The following TNFRSF14 variants were observed in gnomAD, a reference collection of about 807,000 sequenced individuals.
TNFRSF14 encodes TNF receptor superfamily member 14, also known as tumor necrosis factor receptor superfamily member 14.
TNFRSF14 carries 18 observed loss-of-function variants against 34.1 expected under a neutral mutation model. The ratio of observed to expected loss-of-function variants is 0.53; its 90% CI spans 0.36 to 0.78. The LOEUF (loss-of-function observed/expected upper bound fraction) is 0.78, where lower values mean the gene tolerates loss of function less well. Ranked by LOEUF, TNFRSF14 falls within the 30% of genes least tolerant of loss-of-function variation. The pLI, the probability that TNFRSF14 is intolerant of heterozygous loss-of-function variation, is 0.00. For missense variants in TNFRSF14, 352 were observed against 379.5 expected (o/e 0.93, Z 0.60); for synonymous variants, 157 against 153.2 (o/e 1.02, Z -0.18).
At position 2,556,703 on chromosome 1, in the gene TNFRSF14, A is replaced by T. The variant is rs1644219645; in HGVS notation, c.39A>T (p.Arg13Ser). ...GAGACTGGGGGCCTCCTCCCTGGAG[A>T]TCCACCCCCAAAACCGACGTCTTGA... Reference protein sequence around the residue: ...PPGDWGPPPWRSTPKTDVLRL... With the variant: ...PPGDWGPPPWSSTPKTDVLRL... Residue 13 changes from arginine to serine, a missense_variant, in exon 1 of 8, where the codon AGA (arginine) becomes AGT (serine). Physicochemically the swap from Arg to Ser is moderately radical, Grantham distance 110. Coordinates refer to ENST00000355716, the MANE Select transcript of TNFRSF14 (RefSeq NM_003820.4). 1.2e-6 allele frequency: 2 copies of T among 1,607,938 alleles called. No homozygotes were observed. The highest frequency in any genetic ancestry group is 1.3e-5 in the African/African-American group (1 of 74,650).
chr1:2,563,463 C>A lies in TNFRSF14; in HGVS notation c.*190C>A. 1.1e-6 allele frequency: 1 copy of A among 884,634 alleles called. No individual in the cohort carries two copies. The highest frequency in any genetic ancestry group is 1.7e-6 in the Non-Finnish European group (1 of 598,096). 54.8% of individuals were successfully genotyped at this position (884,634 alleles called of 1,614,324 possible). A position where few individuals can be genotyped will look rare whatever the true frequency, so the allele number is the denominator to read the frequency against. On this transcript the variant is annotated 3_prime_UTR_variant, in exon 8 of 8. Coordinates refer to ENST00000355716, the MANE Select transcript of TNFRSF14 (RefSeq NM_003820.4). ...AGCTGGGGACGCCACGTGCCATTCCCATGGGCCAGTGAGGGCCTGGGGCCT... is the reference window on the plus strand; with the variant it reads ...AGCTGGGGACGCCACGTGCCATTCCAATGGGCCAGTGAGGGCCTGGGGCCT...
Position 2,563,424 on chromosome 1 carries a change from C to A in TNFRSF14, c.*151C>A. 1 of 1,342,150 alleles carries A rather than the reference C, an allele frequency of 7.5e-7. No homozygotes were observed. The highest frequency in any genetic ancestry group is 1.0e-6 in the Non-Finnish European group (1 of 996,302). 83.1% of individuals were successfully genotyped at this position (1,342,150 alleles called of 1,614,324 possible). The stretch of plus-strand genomic sequence containing the variant: ...CCTCCAGTGGAGGGAGAGGTGGGGC[C>A]CCTGCTGGGGTAGAGCTGGGGACGC... On this transcript the variant is annotated 3_prime_UTR_variant, in exon 8 of 8. Coordinates refer to ENST00000355716, the MANE Select transcript of TNFRSF14 (RefSeq NM_003820.4).
Position 2,563,359 on chromosome 1 carries a change from C to G in TNFRSF14, c.*86C>G. The stretch of plus-strand genomic sequence containing the variant: ...GTCCACCTGGCGGAACCACCGGAGC[C>G]CGGAGGCTTGGGGGCTCCGCCCTGG... On this transcript the variant is annotated 3_prime_UTR_variant, in exon 8 of 8. Coordinates refer to ENST00000355716, the MANE Select transcript of TNFRSF14 (RefSeq NM_003820.4). The G allele has an allele frequency of 6.4e-7, 1 of 1,574,260 alleles. No homozygotes were observed. Among genetic ancestry groups the G allele is most frequent in the South Asian group, 1.2e-5 (1 of 86,304 alleles).
rs1644316714 is a variant in TNFRSF14, at chr1:2,561,967, C to T, written c.694+152C>T. The T allele has an allele frequency of 2.3e-6, 2 of 857,434 alleles. No individual in the cohort carries two copies. The highest frequency in any genetic ancestry group is 3.6e-6 in the Non-Finnish European group (2 of 552,604). The allele number at this position is 857,434 out of a possible 1,614,324, so 53.1% of individuals were successfully genotyped here. A position where few individuals can be genotyped will look rare whatever the true frequency, so the allele number is the denominator to read the frequency against. On this transcript the variant is annotated intron_variant, in intron 6 of 7. Transcript: ENST00000355716. The surrounding 1 kb of genome is among the most constrained non-coding windows in gnomAD (Gnocchi z 6.0). ...CTGCAGGCTGGGGCAGGTGGGCTTT[C>T]TGCTGTGGCCAGAGCCCAGGTGTCA...
Position 2,556,671 on chromosome 1 carries a change from C to T in TNFRSF14, c.7C>T (p.Pro3Ser). The change falls in exon 1 of 8, where the codon CCT becomes TCT. Residue 3 changes from proline to serine, a missense_variant. Transcript: ENST00000355716. ME[P>S]PGDWGPPPWR... The stretch of plus-strand genomic sequence containing the variant: ...GCCGGTCTGAGCCTGAGGCATGGAG[C>T]CTCCTGGAGACTGGGGGCCTCCTCC... 6.2e-7 allele frequency: 1 copy of T among 1,609,288 alleles called. No individual in the cohort carries two copies. Among genetic ancestry groups the T allele is most frequent in the East Asian group, 2.2e-5 (1 of 44,810 alleles).
At chr1:2,556,828 G>T in intron 1 of TNFRSF14, 95 bp downstream of exon 1, 1 of 1,313,098 alleles carries the variant, frequency 7.6e-7, no homozygotes, top group South Asian at 1.5e-5. Context: ...TGTCCTGGCC[G>T]TTGCTGGCTC....
chr1:2,561,927 C>A lies in TNFRSF14; in HGVS notation c.694+112C>A. 8.1e-7 allele frequency: 1 copy of A among 1,227,962 alleles called. No homozygotes were observed. The highest frequency in any genetic ancestry group is 1.1e-6 in the Non-Finnish European group (1 of 878,830). 76.1% of individuals were successfully genotyped at this position (1,227,962 alleles called of 1,614,324 possible). A position where few individuals can be genotyped will look rare whatever the true frequency, so the allele number is the denominator to read the frequency against. Reference sequence around the variant, plus strand: ...AGAGCTTTTCCAGGATCCGCGGCTCCTCCCAGGGCAGCCACTGCAGGCTGG... The same window carrying A: ...AGAGCTTTTCCAGGATCCGCGGCTCATCCCAGGGCAGCCACTGCAGGCTGG... On this transcript the variant is annotated intron_variant, in intron 6 of 7. Coordinates refer to ENST00000355716, the MANE Select transcript of TNFRSF14 (RefSeq NM_003820.4). This position sits in a 1 kb window ranked among gnomAD's most constrained non-coding sequence, Gnocchi z 6.0.
In TNFRSF14 at chr1:2,561,088, C is replaced by T. The variant is rs1312116401; in HGVS notation, c.551+374C>T. 4 of 335,794 alleles carry T rather than the reference C, an allele frequency of 1.2e-5. No individual in the cohort carries two copies. The highest frequency in any genetic ancestry group is 2.2e-5 in the Non-Finnish European group (4 of 183,438). The allele number at this position is 335,794 out of a possible 1,614,324, so 20.8% of individuals were successfully genotyped here. A position where few individuals can be genotyped will look rare whatever the true frequency, so the allele number is the denominator to read the frequency against. On this transcript the variant is annotated intron_variant, in intron 5 of 7. Coordinates refer to ENST00000355716, the MANE Select transcript of TNFRSF14 (RefSeq NM_003820.4). The surrounding 1 kb of genome is among the most constrained non-coding windows in gnomAD (Gnocchi z 6.0). ...GGTTGGGGAAAGTGAACACTCTGCTCTTTGTCCACCTTCGGGAGGACACCT... is the reference window on the plus strand; with the variant it reads ...GGTTGGGGAAAGTGAACACTCTGCTTTTTGTCCACCTTCGGGAGGACACCT...
intron 7 of TNFRSF14, 43 bp downstream of exon 7, chr1:2,562,939 C>T (rs1644332061): frequency 2.5e-6 from 4 of 1,575,562 alleles, no homozygotes; most frequent in South Asian, 2.2e-5. Flanking sequence ...TCCACCTTCC[C>T]ACCTCCCCTC....
chr1:2,556,092 A>G (rs1644207603), upstream of TNFRSF14: 1 of 338,472 alleles, frequency 3.0e-6, no homozygotes, highest in South Asian at 2.4e-5. Context: ...TGGTGGGTCT[A>G]TGACTGAAAT....
Position 2,557,813 on chromosome 1 carries a change from T to C in TNFRSF14, c.157T>C (p.Cys53Arg). 6.2e-7 allele frequency: 1 copy of C among 1,610,880 alleles called. No individual in the cohort carries two copies. The highest frequency in any genetic ancestry group is 8.5e-7 in the Non-Finnish European group (1 of 1,178,688). The change falls in exon 2 of 8, where the codon TGC becomes CGC. Residue 53 changes from cysteine (C) to arginine (R), a missense_variant. By Grantham distance (180) the Cys-to-Arg change is radical (BLOSUM62 -3). Coordinates refer to ENST00000355716, the MANE Select transcript of TNFRSF14 (RefSeq NM_003820.4). ...KEDEYPVGSE[C>R]CPKCSPGYRV... ...GGACGAGTACCCAGTGGGCTCCGAG[T>C]GCTGCCCCAAGTGCAGTCCAGGTAG... is the stretch of plus-strand genomic sequence containing the variant.
intron 3 of TNFRSF14, 33 bp from the exon 4 acceptor site, chr1:2,559,790 G>T: frequency 1.3e-6 from 2 of 1,591,740 alleles, no homozygotes; most frequent in South Asian, 1.1e-5. Context: ...CGGCCTCCAC[G>T]TACCCCTCTC....
Position 2,561,046 on chromosome 1 carries a change from G to A in TNFRSF14, c.551+332G>A, listed in dbSNP as rs900798619. ...TCCCTGAATGTCAGGGCCATGGGAGGGCCCCTGGGCTTCAGGGGTTGGGGA... is the reference window on the plus strand; with the variant it reads ...TCCCTGAATGTCAGGGCCATGGGAGAGCCCCTGGGCTTCAGGGGTTGGGGA... On this transcript the variant is annotated intron_variant, in intron 5 of 7. Transcript: ENST00000355716. The surrounding 1 kb of genome is among the most constrained non-coding windows in gnomAD (Gnocchi z 6.0). 2 of 377,270 alleles carry A rather than the reference G, an allele frequency of 5.3e-6. No homozygotes were observed. Among genetic ancestry groups the A allele is most frequent in the African/African-American group, 2.0e-5 (1 of 48,796 alleles). The allele number at this position is 377,270 out of a possible 1,614,324, so 23.4% of individuals were successfully genotyped here. A position where few individuals can be genotyped will look rare whatever the true frequency, so the allele number is the denominator to read the frequency against.
At position 2,556,497 on chromosome 1, in the gene TNFRSF14, C is replaced by T; in HGVS notation, c.-168C>T. On this transcript the variant is annotated 5_prime_UTR_variant, in exon 1 of 8. Coordinates refer to ENST00000355716, the MANE Select transcript of TNFRSF14 (RefSeq NM_003820.4). Reference sequence around the variant, plus strand: ...TCTGCTGCCAGACACCCCCTGCTGCCCACTCTCCTGCTGCTCGGGTTCTGA... The same window carrying T: ...TCTGCTGCCAGACACCCCCTGCTGCTCACTCTCCTGCTGCTCGGGTTCTGA... 4.0e-6 allele frequency: 3 copies of T among 747,662 alleles called. No individual in the cohort carries two copies. Among genetic ancestry groups the T allele is most frequent in the Non-Finnish European group, 7.1e-6 (3 of 423,828 alleles). 46.3% of individuals were successfully genotyped at this position (747,662 alleles called of 1,614,324 possible).
intron 3 of TNFRSF14, chr1:2,559,067 C>G: frequency 7.3e-7 from 1 of 1,369,398 alleles, no homozygotes; most frequent in Non-Finnish European, 9.6e-7. Context: ...ATGGCCAGTG[C>G]TCCCTGCGGC....
At chr1:2,562,206 C>A in intron 6 of TNFRSF14, 1 of 250,044 alleles carries the variant, frequency 4.0e-6, no homozygotes, top group Non-Finnish European at 7.8e-6. Context: ...AGAGTAAGGC[C>A]ATTCATTCAT....
At chr1:2,562,464 G>A (rs556394994) in intron 6 of TNFRSF14, 4 of 307,106 alleles carry the variant, frequency 1.3e-5, no homozygotes, top group African/African-American at 2.2e-5. Flanking sequence ...GGGAGGTCTC[G>A]GGGCCTCAGG....
At chr1:2,562,641 C>A in intron 6 of TNFRSF14, 1 of 635,014 alleles carries the variant, frequency 1.6e-6, no homozygotes, top group Non-Finnish European at 2.8e-6. Flanking sequence ...GGGCCGGGCG[C>A]CCCCAGTCCT....
chr1:2,560,818 C>A, intron 5 of TNFRSF14, 104 bp downstream of exon 5: 1 of 1,044,544 alleles, frequency 9.6e-7, no homozygotes, highest in Non-Finnish European at 1.4e-6. Context: ...CTTGAAGGTC[C>A]CACCCTGAGC....
Sources: allele counts gnomAD v4.1 joint callset, GRCh38; gene constraint gnomAD v4.1.1; non-coding constraint Gnocchi (gnomAD v3.1); transcripts MANE v1.5; gene names NCBI Gene and HGNC (gene_info 2026-07-23, HGNC 2026-07-21).